WIPF1: variants seen among roughly 807,000 people sequenced by gnomAD.
WIPF1 encodes the protein WAS/WASL interacting protein family member 1.
In WIPF1, 13 loss-of-function variants were observed where a neutral mutation model predicts 35.4. That is an observed-to-expected ratio of 0.37 (90% CI 0.24 to 0.58). The LOEUF (loss-of-function observed/expected upper bound fraction) is 0.58, where lower values mean the gene tolerates loss of function less well. Among genes scored for constraint, WIPF1 ranks in the 20% least tolerant of loss-of-function variants. The pLI is 0.74. For missense variants in WIPF1, 591 were observed against 667.0 expected (o/e 0.89, Z 1.25); for synonymous variants, 267 against 266.3 (o/e 1.00, Z -0.02).
intron 1 of WIPF1, among the ~76,000 whole-genome samples, chr2:174,645,265 T>C (rs1687383490): frequency 6.6e-6 from 1 of 152,232 alleles, no homozygotes. Context: ...GTTCCAAGAA[T>C]TGAAGAGATT....
chr2:174,623,703 T>C (rs1006200815), intron 1 of WIPF1, among the ~76,000 whole-genome samples: 1 of 152,228 alleles, frequency 6.6e-6, no homozygotes, highest in Non-Finnish European at 1.5e-5. Context: ...TGTGACACCA[T>C]CACCAATAGA....
chr2:174,671,388 C>T (rs894453335), intron 1 of WIPF1, among the ~76,000 whole-genome samples: 2 of 152,062 alleles, frequency 1.3e-5, no homozygotes, highest in African/African-American at 4.8e-5. Flanking sequence ...GCCTCAGGAC[C>T]CTGTGATGAT....
intron 1 of WIPF1, among the ~76,000 whole-genome samples, chr2:174,636,425 A>G (rs1397633994): frequency 6.6e-6 from 1 of 152,222 alleles, no homozygotes; most frequent in African/African-American, 2.4e-5. Context: ...AACTGAGAAG[A>G]CAGTACAGAG....
intron 1 of WIPF1, among the ~76,000 whole-genome samples, chr2:174,605,156 C>T (rs1686119540): frequency 6.6e-6 from 1 of 152,192 alleles, no homozygotes; most frequent in Admixed American, 6.5e-5. Context: ...AACATGTGGG[C>T]CAGCGCAGGG....
chr2:174,590,063 A>G lies in WIPF1; in HGVS notation c.-38-4452T>C, dbSNP rs181493945. 1.9e-3 allele frequency among the ~76,000 whole-genome samples: 293 copies of G among 152,238 alleles called. 5 individuals carry two copies. The highest frequency in any genetic ancestry group is 0.015 in the Admixed American group (237 of 15,302). On this transcript the variant is annotated intron_variant, in intron 1 of 7. Coordinates refer to ENST00000679041, the MANE Select transcript of WIPF1 (RefSeq NM_001375834.1). This position sits in a 1 kb window ranked among gnomAD's most constrained non-coding sequence, Gnocchi z 4.6. Reference sequence around the variant, plus strand: ...AGTGAGCCCTTTATCTCTAAAAATAAAATAAAATAAAATAAAAACAAATTA... The same window carrying G: ...AGTGAGCCCTTTATCTCTAAAAATAGAATAAAATAAAATAAAAACAAATTA...
intron 1 of WIPF1, chr2:174,587,749 C>G (rs112436461): frequency 6.6e-6 from 1 of 152,354 alleles, no homozygotes; most frequent in African/African-American, 2.4e-5. Flanking sequence ...CTAAAACACC[C>G]TGAAGCAATT....
At position 174,562,239 on chromosome 2, in the gene WIPF1, A is replaced by C. The variant is rs1266896213; in HGVS notation, c.*308T>G. 6.5e-7 allele frequency: 1 copy of C among 1,543,368 alleles called. No individual in the cohort carries two copies. The highest frequency in any genetic ancestry group is 1.4e-5 in the African/African-American group (1 of 72,906). On this transcript the variant is annotated 3_prime_UTR_variant, in exon 8 of 8. Transcript: ENST00000679041. ...GTAACAAATAAGCAGTGAATGTTTG[A>C]ATTTGGTTGGTGGAAAGCTGGGATG...
In WIPF1 at chr2:174,562,250, T is replaced by C. The variant is rs1331526155; in HGVS notation, c.*297A>G. The C allele has an allele frequency of 1.2e-5, 19 of 1,541,156 alleles. No individual in the cohort carries two copies. The East Asian group carries it at 4.7e-4, about 38-fold the overall frequency. On this transcript the variant is annotated 3_prime_UTR_variant, in exon 8 of 8. Transcript: ENST00000679041. The stretch of plus-strand genomic sequence containing the variant: ...GCAGTGAATGTTTGAATTTGGTTGG[T>C]GGAAAGCTGGGATGCAAGTCATCTC...
chr2:174,613,890 CTT>C lies in WIPF1; in HGVS notation c.-38-28281_-38-28280del, dbSNP rs796764377. 5.9e-4 allele frequency among the ~76,000 whole-genome samples: 90 copies of C among 152,228 alleles called. 1 individual carries two copies. Among genetic ancestry groups the C allele is most frequent in the African/African-American group, 2.0e-3 (84 of 41,530 alleles). On this transcript the variant is annotated intron_variant, in intron 1 of 8. Transcript: ENST00000272746. ...AACAAAAAAGAATAAATAATTTACTCTTTGATATTTGAAAAAAGTAGGTGCTA... is the reference window on the plus strand; with the variant it reads ...AACAAAAAAGAATAAATAATTTACTCTGATATTTGAAAAAAGTAGGTGCTA...
chr2:174,660,415 A>G lies in WIPF1; in HGVS notation c.-39+22359T>C, dbSNP rs187198848. Among the ~76,000 whole-genome samples the G allele has an allele frequency of 6.6e-5, 10 of 152,302 alleles. No individual in the cohort carries two copies. In the East Asian group the frequency reaches 1.7e-3, roughly 26 times the overall value. ...GATACATAGTAGGTGCTCTATAAAC[A>G]TTTGCTGCTACTATTACTACTGACT... On this transcript the variant is annotated intron_variant, in intron 1 of 8. Coordinates refer to the WIPF1 transcript ENST00000272746.
At chr2:174,626,777 T>C (rs1202203124) in intron 1 of WIPF1, among the ~76,000 whole-genome samples, 2 of 152,258 alleles carry the variant, frequency 1.3e-5, no homozygotes, top group Non-Finnish European at 2.9e-5. Flanking sequence ...GGCACCAGCA[T>C]GTCTCACTGG....
chr2:174,656,997 G>A (rs1687653677), intron 1 of WIPF1, among the ~76,000 whole-genome samples: 1 of 152,192 alleles, frequency 6.6e-6, no homozygotes, highest in African/African-American at 2.4e-5. Flanking sequence ...CCTAGAGACA[G>A]CTGATACACA....
intron 1 of WIPF1, chr2:174,634,693 T>C (rs1334024458): frequency 2.0e-5 from 3 of 152,236 alleles, no homozygotes; most frequent in Non-Finnish European, 2.9e-5. Flanking sequence ...TTGCTTCACA[T>C]GGGGGTAACC....
At chr2:174,593,726 T>C (rs1351363699) in intron 1 of WIPF1, among the ~76,000 whole-genome samples, 3 of 152,066 alleles carry the variant, frequency 2.0e-5, no homozygotes, top group Non-Finnish European at 4.4e-5. Flanking sequence ...ACAGCTGCAG[T>C]TGCCTGGAGT....
At chr2:174,652,655 A>G (rs1181968808) in intron 1 of WIPF1, among the ~76,000 whole-genome samples, 1 of 152,206 alleles carries the variant, frequency 6.6e-6, no homozygotes, top group Admixed American at 6.5e-5. Flanking sequence ...GCTAACCATT[A>G]GGCTTGAGGT....
intron 1 of WIPF1, among the ~76,000 whole-genome samples, chr2:174,657,274 T>C (rs1418337709): frequency 1.3e-5 from 2 of 152,264 alleles, no homozygotes; most frequent in African/African-American, 4.8e-5. Flanking sequence ...TAACGTATTA[T>C]ACTGGACTAA....
intron 1 of WIPF1, among the ~76,000 whole-genome samples, chr2:174,642,638 C>T (rs1027276495): frequency 0.012 from 1,715 of 140,568 alleles, 40 homozygotes; most frequent in African/African-American, 0.051. Context: ...TGAGCCGCCG[C>T]GCCCGGCCTT....
chr2:174,637,782 G>A (rs1574854558), intron 1 of WIPF1, among the ~76,000 whole-genome samples: 1 of 152,070 alleles, frequency 6.6e-6, no homozygotes, highest in South Asian at 2.1e-4. Context: ...GCGAGACTCC[G>A]TCTCAAAAAA....
At chr2:174,677,226 A>T (rs1688153505) in intron 1 of WIPF1, 1 of 152,182 alleles carries the variant, frequency 6.6e-6, no homozygotes, top group Non-Finnish European at 1.5e-5. Context: ...GTTTCTTGGC[A>T]TCTTCAGAAA....
Sources: gnomAD v4.1 joint callset for allele counts (sites outside exome capture counted in the v4.1 genomes callset) on GRCh38, gnomAD v4.1.1 for gene constraint, Gnocchi (gnomAD v3.1) non-coding constraint, MANE v1.5 for transcripts, NCBI Gene and HGNC (gene_info 2026-07-23, HGNC 2026-07-21) for gene names.